CD300LF: variants seen among roughly 807,000 people sequenced by gnomAD.
CD300LF encodes the protein CMRF35-like molecule 1.
CD300LF carries 27 observed loss-of-function variants against 32.2 expected under a neutral mutation model. That is an observed-to-expected ratio of 0.84 (90% confidence interval 0.62 to 1.15). CD300LF has a LOEUF of 1.15. Among genes scored for constraint, CD300LF ranks in the 50% most tolerant of loss-of-function variants. The pLI is 0.00. For missense variants in CD300LF, 348 were observed against 356.8 expected (o/e 0.98, Z 0.20); for synonymous variants, 139 against 143.2 (o/e 0.97, Z 0.21).
chr17:74,710,900 C>T (rs1039085595), intron 1 of CD300LF, among the ~76,000 whole-genome samples: 1 of 151,804 alleles, frequency 6.6e-6, no homozygotes, highest in Non-Finnish European at 1.5e-5. Flanking sequence ...TCTTGCCAGG[C>T]ACGGTGGCTC....
intron 1 of CD300LF, among the ~76,000 whole-genome samples, chr17:74,707,272 TCAAA>T (rs1254220367): frequency 6.6e-6 from 1 of 152,074 alleles, no homozygotes; most frequent in Non-Finnish European, 1.5e-5. Context: ...CATAAGGAAC[TCAAA>T]CAAATCAGTA....
chr17:74,696,989 C>T (rs771709291), intron 4 of CD300LF, among the ~76,000 whole-genome samples: 7 of 152,046 alleles, frequency 4.6e-5, no homozygotes, highest in Non-Finnish European at 7.4e-5. Flanking sequence ...TCACCCATGC[C>T]GGAGGGCAAT....
At chr17:74,703,963 TTGAC>T (rs2033287803) in intron 2 of CD300LF, among the ~76,000 whole-genome samples, 1 of 152,212 alleles carries the variant, frequency 6.6e-6, no homozygotes, top group South Asian at 2.1e-4. Flanking sequence ...ATGCAGCCGT[TTGAC>T]TGTGAAGACC....
chr17:74,696,651 C>T lies in CD300LF; in HGVS notation c.560-434G>A, dbSNP rs141139026. 3.0e-3 allele frequency among the ~76,000 whole-genome samples: 459 copies of T among 152,352 alleles called. 2 individuals are homozygous for T. Among genetic ancestry groups the T allele is most frequent in the African/African-American group, 0.01 (425 of 41,580 alleles). Reference sequence around the variant, plus strand: ...TACCCAGGCTGTCTAATCCCCCTCCCGGGCCCCCGGGGGGCACTTGCTCTA... The same window carrying T: ...TACCCAGGCTGTCTAATCCCCCTCCTGGGCCCCCGGGGGGCACTTGCTCTA... On this transcript the variant is annotated intron_variant, in intron 4 of 6. Transcript: ENST00000326165.
Position 74,704,614 on chromosome 17 carries a change from G to A in CD300LF, c.246C>T (p.Ile82=). 6.2e-7 allele frequency: 1 copy of A among 1,614,120 alleles called. No individual in the cohort carries two copies. The highest frequency in any genetic ancestry group is 8.5e-7 in the Non-Finnish European group (1 of 1,180,020). ...EQEVKRDRVS[I]KDNQKNRTFT... is the part of the protein sequence containing the mutation. ...ACGTGCGGTTTTTCTGATTGTCCTT[G>A]ATGGACACCCGGTCCCTCTTCACCT... Residue 82 remains isoleucine, a synonymous_variant, in exon 2 of 7, where the codon ATC becomes ATT. Coordinates refer to ENST00000326165, the MANE Select transcript of CD300LF (RefSeq NM_139018.5).
chr17:74,698,547 C>T (rs1180053223), intron 3 of CD300LF, 66 bp from the exon 4 acceptor site: 1 of 1,547,056 alleles, frequency 6.5e-7, no homozygotes, highest in East Asian at 2.4e-5. Flanking sequence ...CCAATCCCAC[C>T]CACCCAGCAG....
Position 74,704,282 on chromosome 17 carries a change from G to T in CD300LF, c.382+196C>A, listed in dbSNP as rs918952790. ...CCTAGAAAGGCTTAATCCCGTCGTG[G>T]AGGGAGCCCTGGGAGCCATGGGGGC... On this transcript the variant is annotated intron_variant, in intron 2 of 6. Coordinates refer to ENST00000326165, the MANE Select transcript of CD300LF (RefSeq NM_139018.5). The T allele has an allele frequency of 3.2e-5, 19 of 591,312 alleles. No individual in the cohort carries two copies. The South Asian group carries it at 3.8e-4, about 12-fold the overall frequency. The allele number at this position is 591,312 out of a possible 1,614,324, so 36.6% of individuals were successfully genotyped here.
At chr17:74,704,089 G>A (rs1354483268) in intron 2 of CD300LF, among the ~76,000 whole-genome samples, 1 of 152,134 alleles carries the variant, frequency 6.6e-6, no homozygotes, top group African/African-American at 2.4e-5. Flanking sequence ...CCCCAGCCCA[G>A]AACTCCACCA....
At chr17:74,705,017 C>T (rs2033393522) in intron 1 of CD300LF, among the ~76,000 whole-genome samples, 1 of 152,234 alleles carries the variant, frequency 6.6e-6, no homozygotes, top group Admixed American at 6.5e-5. Context: ...AAGAGCACAA[C>T]AACGGATCCC....
chr17:74,699,926 A>G (rs1047450194), intron 3 of CD300LF, among the ~76,000 whole-genome samples: 1 of 151,986 alleles, frequency 6.6e-6, no homozygotes. Flanking sequence ...AGGTCACTTG[A>G]GGTCAGGAGT....
chr17:74,705,059 A>G, intron 1 of CD300LF: 2 of 614,474 alleles, frequency 3.3e-6, no homozygotes, highest in South Asian at 3.8e-5. Flanking sequence ...ATAAGCAATA[A>G]TAACTTCCTG....
At position 74,704,798 on chromosome 17, in the gene CD300LF, T is replaced by G; in HGVS notation, c.62A>C (p.Gln21Pro). ...ATTCACTGTTGTTGGACCGGTGATT[T>G]GAGTGACAATGGAGTAGCCTGGAAA... ...FWLSGYSIVT[Q>P]ITGPTTVNGL... Residue 21 changes from glutamine to proline, a missense_variant, in exon 2 of 7, where the codon CAA becomes CCA. Gln to Pro is a moderately conservative substitution (Grantham distance 76). Coordinates refer to ENST00000326165, the MANE Select transcript of CD300LF (RefSeq NM_139018.5). The G allele has an allele frequency of 2.5e-6, 4 of 1,613,174 alleles. No individual in the cohort carries two copies. Among genetic ancestry groups the G allele is most frequent in the Non-Finnish European group, 3.4e-6 (4 of 1,179,244 alleles).
At chr17:74,696,392 T>C (rs1050245164) in intron 4 of CD300LF, among the ~76,000 whole-genome samples, 175 bp from the exon 5 acceptor site, 2 of 152,210 alleles carry the variant, frequency 1.3e-5, no homozygotes, top group African/African-American at 4.8e-5. Context: ...ACATTCGTCA[T>C]GTCACCTCTC....
rs143602486 is a variant in CD300LF, at chr17:74,695,221, C to T, written c.748G>A (p.Ala250Thr). The T allele has an allele frequency of 2.4e-5, 39 of 1,614,020 alleles. No individual in the cohort carries two copies. The Admixed American group carries it at 6.3e-4, about 26-fold the overall frequency. ...ASLPKEDISY[A>T]SLTLGAEDQE... is the part of the protein sequence containing the mutation. ...TCCTCAGCACCCAAGGTCAGAGATG[C>T]ATAGGAAATGTCCTCCTTCGGCAAG... Residue 250 changes from alanine (A) to threonine (T), a missense_variant, in exon 7 of 7, where the codon GCA becomes ACA. Ala to Thr is a moderately conservative substitution (Grantham distance 58). Coordinates refer to ENST00000326165, the MANE Select transcript of CD300LF (RefSeq NM_139018.5).
intron 1 of CD300LF, among the ~76,000 whole-genome samples, chr17:74,708,910 C>T (rs529297228): frequency 2.1e-5 from 3 of 141,862 alleles, no homozygotes; most frequent in Non-Finnish European, 4.6e-5. Context: ...AGCAAGACTC[C>T]GTCTCAAAAA....
At chr17:74,695,370 A>G (rs1363264683) in intron 6 of CD300LF, 119 bp from the exon 7 acceptor site, 1 of 1,214,988 alleles carries the variant, frequency 8.2e-7, no homozygotes, top group Non-Finnish European at 1.1e-6. Flanking sequence ...ATCCCACTCA[A>G]GCCCTCCAGC....
chr17:74,707,371 G>C (rs912996195), intron 1 of CD300LF, among the ~76,000 whole-genome samples: 1 of 152,202 alleles, frequency 6.6e-6, no homozygotes, highest in East Asian at 1.9e-4. Flanking sequence ...ATGGGCAACA[G>C]ATCTATTTTT....
At chr17:74,708,147 C>CAAAAAA (rs373733638) in intron 1 of CD300LF, among the ~76,000 whole-genome samples, 1 of 81,298 alleles carries the variant, frequency 1.2e-5, no homozygotes, top group South Asian at 4.5e-4. Context: ...GACTCCATCT[C>CAAAAAA]AAAAAAAAAA....
At chr17:74,700,038 A>G (rs1368058374) in intron 3 of CD300LF, among the ~76,000 whole-genome samples, 2 of 151,964 alleles carry the variant, frequency 1.3e-5, no homozygotes, top group Admixed American at 6.6e-5. Context: ...GCTACTTGGG[A>G]AGCTGAGGTG....
Sources: gnomAD v4.1 joint callset for allele counts (sites outside exome capture counted in the v4.1 genomes callset) on GRCh38, gnomAD v4.1.1 for gene constraint, MANE v1.5 for transcripts, NCBI Gene and HGNC (gene_info 2026-07-23, HGNC 2026-07-21) for gene names.